Variants in NRAP observed in about 807,000 individuals in gnomAD.
NRAP encodes nebulin related anchoring protein, also known as nebulin-related-anchoring protein.
In NRAP, 189 loss-of-function variants were observed where a neutral mutation model predicts 225.9. The ratio of observed to expected loss-of-function variants is 0.84; its 90% CI spans 0.74 to 0.94. The LOEUF (loss-of-function observed/expected upper bound fraction) is 0.94, where lower values mean the gene tolerates loss of function less well. Ranked by LOEUF, NRAP falls within the 40% of genes least tolerant of loss-of-function variation. The pLI is 0.00. For missense variants in NRAP, 2,176 were observed against 2,168.7 expected, an observed-to-expected ratio of 1.00 and a Z score of -0.07; for synonymous variants, 769 against 790.7, an observed-to-expected ratio of 0.97 and a Z score of 0.46.
At position 113,641,365 on chromosome 10, in the gene NRAP, G is replaced by T; in HGVS notation, c.1323C>A (p.Asn441Lys). The T allele has an allele frequency of 6.2e-7, 1 of 1,605,014 alleles. No individual in the cohort carries two copies. The highest frequency in any genetic ancestry group is 8.5e-7 in the Non-Finnish European group (1 of 1,172,104). ...CAGACCCTGGCATAAAAGGACTCAC[G>T]TTGCTTGCCAGGCTGCCAACTTTCA... Reference protein sequence around the residue: ...HAMKVGSLASNVAYKADYKHD... With the variant: ...HAMKVGSLASKVAYKADYKHD... The change falls in exon 13 of 42, where the codon AAC (asparagine) becomes AAA (lysine). Residue 441 changes from asparagine (N) to lysine (K), a missense_variant and splice_region_variant. Around this residue, in one of 3 missense-constraint regions of NRAP, gnomAD observed 1,708 missense variants for 1,695.5 expected, o/e 1.01. Transcript: ENST00000359988.
rs570929862 is a variant in NRAP at position 113,592,806 on chromosome 10, G to A, written c.4537-505C>T. Among the ~76,000 whole-genome samples, 537 of 152,282 alleles carry A rather than the reference G, an allele frequency of 3.5e-3. 2 individuals carry two copies. Among genetic ancestry groups the A allele is most frequent in the Non-Finnish European group, 6.0e-3 (410 of 68,030 alleles). ...GCCTTGCACCATCACTATGAGGCATGCTGCATCTCATATACACCCCTGGTG... is the reference window on the plus strand; with the variant it reads ...GCCTTGCACCATCACTATGAGGCATACTGCATCTCATATACACCCCTGGTG... On this transcript the variant is annotated intron_variant, in intron 38 of 41. Coordinates refer to ENST00000359988, the MANE Select transcript of NRAP (RefSeq NM_198060.4).
At chr10:113,623,448 C>G in intron 23 of NRAP, 81 bp downstream of exon 23, 1 of 825,714 alleles carries the variant, frequency 1.2e-6, no homozygotes, top group Non-Finnish European at 2.0e-6. Context: ...GATTAAGAAC[C>G]TGCCCAGACA....
chr10:113,597,106 T>C lies in NRAP; in HGVS notation c.4411A>G (p.Ser1471Gly). 6.2e-7 allele frequency: 1 copy of C among 1,612,830 alleles called. No individual in the cohort carries two copies. Among genetic ancestry groups the C allele is most frequent in the Non-Finnish European group, 8.5e-7 (1 of 1,178,790 alleles). ...CCCACCTCATTGCAGTGCATATAGCTGTTCTTGGCATGAACCAGGTCTGGG... is the reference window on the plus strand; with the variant it reads ...CCCACCTCATTGCAGTGCATATAGCCGTTCTTGGCATGAACCAGGTCTGGG... ...DSPDLVHAKN[S>G]YMHCNERMYR... Residue 1471 changes from serine (S) to glycine (G), a missense_variant, in exon 37 of 42, where the codon AGC becomes GGC. Around this residue, in one of 3 missense-constraint regions of NRAP, gnomAD observed 445 missense variants for 426.1 expected, o/e 1.04. Transcript: ENST00000359988.
chr10:113,606,247 G>A lies in NRAP; in HGVS notation c.3738C>T (p.His1246=), dbSNP rs79461687. ...LYKAAGEDAR[H]EYTMTLGLPE... Reference sequence around the variant, plus strand: ...GCAGACCCAGGGTCATTGTATACTCGTGTCTTGCATCCTCTCCAGCTGCTT... The same window carrying A: ...GCAGACCCAGGGTCATTGTATACTCATGTCTTGCATCCTCTCCAGCTGCTT... The change falls in exon 33 of 42, where the codon CAC becomes CAT. Residue 1246 remains histidine, a synonymous_variant. Transcript: ENST00000359988. 12 of 1,613,964 alleles carry A rather than the reference G, an allele frequency of 7.4e-6. No homozygotes were observed. The highest frequency in any genetic ancestry group is 3.3e-5 in the Admixed American group (2 of 60,016).
intron 29 of NRAP, 38 bp downstream of exon 29, chr10:113,614,145 G>C: frequency 7.4e-7 from 1 of 1,356,658 alleles, no homozygotes; most frequent in Non-Finnish European, 1.1e-6. Context: ...TTGTCAGGTG[G>C]GGGCCCTGCA....
chr10:113,624,814 TTC>T lies in NRAP; in HGVS notation c.2349+10_2349+11del, dbSNP rs772822456. 1 of 1,603,970 alleles carries T rather than the reference TTC, an allele frequency of 6.2e-7. No individual in the cohort carries two copies. The highest frequency in any genetic ancestry group is 1.1e-5 in the South Asian group (1 of 90,672). ...GAGCAGAGTTCTTGCTGCCCACTCA[TTC>T]TCTCTGTACCTCGCTGAGATTTGCA... On this transcript the variant is annotated intron_variant, in intron 22 of 41. Coordinates refer to ENST00000359988, the MANE Select transcript of NRAP (RefSeq NM_198060.4).
intron 35 of NRAP, among the ~76,000 whole-genome samples, chr10:113,600,789 C>A (rs1319239773): frequency 6.6e-6 from 1 of 152,162 alleles, no homozygotes; most frequent in Non-Finnish European, 1.5e-5. Context: ...ATCGCCGCAT[C>A]CTGTAAAGAG....
intron 38 of NRAP, among the ~76,000 whole-genome samples, chr10:113,592,838 C>T (rs553416223): frequency 8.5e-5 from 13 of 152,166 alleles, no homozygotes; most frequent in Non-Finnish European, 1.9e-4. Context: ...GGTGCCTGCA[C>T]GAAGGGAAGA....
chr10:113,633,038 ATCGC>A (rs1564738177), intron 16 of NRAP, 42 bp downstream of exon 16: 1 of 976,726 alleles, frequency 1.0e-6, no homozygotes. Context: ...TTGTTTTCAC[ATCGC>A]TCTATAACCC....
At chr10:113,641,127 G>A (rs574841483) in intron 13 of NRAP, among the ~76,000 whole-genome samples, 2 of 152,290 alleles carry the variant, frequency 1.3e-5, no homozygotes, top group East Asian at 1.9e-4. Flanking sequence ...ATAGACTGAA[G>A]TACTCTTCAA....
intron 41 of NRAP, 126 bp downstream of exon 41, chr10:113,589,540 G>GCTGCGTTT: frequency 8.6e-7 from 1 of 1,165,622 alleles, no homozygotes; most frequent in Non-Finnish European, 1.2e-6. Context: ...CCTTGTTTGA[G>GCTGCGTTT]CTGCGTTTCA....
intron 3 of NRAP, among the ~76,000 whole-genome samples, chr10:113,659,445 A>G (rs1592885772): frequency 1.3e-5 from 2 of 152,190 alleles, no homozygotes; most frequent in Admixed American, 1.3e-4. Flanking sequence ...ACACAGGACC[A>G]AAAGACCAAA....
chr10:113,642,930 T>G lies in NRAP; in HGVS notation c.1215+4A>C. 1 of 1,534,998 alleles carries G rather than the reference T, an allele frequency of 6.5e-7. No individual in the cohort carries two copies. The highest frequency in any genetic ancestry group is 2.2e-5 in the East Asian group (1 of 44,532). ...CAAACAAAAGCTTAGCGTTAACAACTCACATCACTGGTAAATTTTGAGATC... is the reference window on the plus strand; with the variant it reads ...CAAACAAAAGCTTAGCGTTAACAACGCACATCACTGGTAAATTTTGAGATC... On this transcript the variant is annotated splice_donor_region_variant and intron_variant, in intron 12 of 41. Coordinates refer to ENST00000359988, the MANE Select transcript of NRAP (RefSeq NM_198060.4).
At chr10:113,613,575 C>T (rs1847457597) in intron 29 of NRAP, among the ~76,000 whole-genome samples, 2 of 152,178 alleles carry the variant, frequency 1.3e-5, no homozygotes, top group Non-Finnish European at 2.9e-5. Flanking sequence ...TGCAAGGAGA[C>T]AGCACCTACA....
intron 21 of NRAP, 55 bp from the exon 22 acceptor site, chr10:113,624,985 G>T: frequency 9.4e-7 from 1 of 1,064,668 alleles, no homozygotes; most frequent in Non-Finnish European, 1.5e-6. Flanking sequence ...GGTGGGCAGG[G>T]TGGCATCCCT....
At chr10:113,649,589 G>T (rs1324525036) in intron 9 of NRAP, among the ~76,000 whole-genome samples, 1 of 152,164 alleles carries the variant, frequency 6.6e-6, no homozygotes, top group Admixed American at 6.5e-5. Context: ...CTGGCATACT[G>T]ATTTATCTAC....
rs1380929663 is a variant in NRAP, at chr10:113,624,840, C to T, written c.2335G>A (p.Ala779Thr). 4.3e-6 allele frequency: 7 copies of T among 1,613,284 alleles called. No homozygotes were observed. In the African/African-American group the frequency reaches 5.3e-5, roughly 12 times the overall value. ...PLFLQARANA[A>T]NLSEKLYKSS... Reference sequence around the variant, plus strand: ...TCTCTCTGTACCTCGCTGAGATTTGCAGCATTGGCTCGGGCCTGCAGGAAG... The same window carrying T: ...TCTCTCTGTACCTCGCTGAGATTTGTAGCATTGGCTCGGGCCTGCAGGAAG... The change falls in exon 22 of 42, where the codon GCA (alanine) becomes ACA (threonine). Residue 779 changes from alanine to threonine, a missense_variant. Ala to Thr is a moderately conservative substitution (Grantham distance 58, BLOSUM62 0). Around this residue, in one of 3 missense-constraint regions of NRAP, gnomAD observed 1,708 missense variants for 1,695.5 expected, o/e 1.01. Coordinates refer to ENST00000359988, the MANE Select transcript of NRAP (RefSeq NM_198060.4).
At position 113,631,516 on chromosome 10, in the gene NRAP, C is replaced by T; in HGVS notation, c.1835G>A (p.Ser612Asn). 1 of 1,599,960 alleles carries T rather than the reference C, an allele frequency of 6.3e-7. No homozygotes were observed. The highest frequency in any genetic ancestry group is 8.5e-7 in the Non-Finnish European group (1 of 1,172,470). Residue 612 changes from serine to asparagine, a missense_variant, in exon 18 of 42, where the codon AGC (serine) becomes AAC (asparagine). By Grantham distance (46) the Ser-to-Asn change is conservative. Coordinates refer to ENST00000359988, the MANE Select transcript of NRAP (RefSeq NM_198060.4). ...LLHSLQIAKM[S>N]SEVEYKKGFE... The stretch of plus-strand genomic sequence containing the variant: ...GGTTAGAAAAGAGTTTACCTCACTG[C>T]TCATCTTAGCAATCTGCAGGGAGTG...
chr10:113,604,733 T>C lies in NRAP; in HGVS notation c.4103A>G (p.His1368Arg), dbSNP rs868263763. Reference protein sequence around the residue: ...HLPMDMVHLVHAKNAQALASD... With the variant: ...HLPMDMVHLVRAKNAQALASD... Reference sequence around the variant, plus strand: ...GGCCAGAGCCTGGGCATTCTTGGCATGGACCAGGTGCACCATGTCCATGGG... The same window carrying C: ...GGCCAGAGCCTGGGCATTCTTGGCACGGACCAGGTGCACCATGTCCATGGG... The change falls in exon 35 of 42, where the codon CAT becomes CGT. Residue 1368 changes from histidine to arginine, a missense_variant. Transcript: ENST00000359988. 1.2e-6 allele frequency: 2 copies of C among 1,614,202 alleles called. No individual in the cohort carries two copies. The highest frequency in any genetic ancestry group is 2.7e-5 in the African/African-American group (2 of 75,068).
Sources: allele counts gnomAD v4.1 joint callset (sites outside exome capture counted in the v4.1 genomes callset), GRCh38; gene constraint gnomAD v4.1.1; regional missense constraint gnomAD v4.1.1; transcripts MANE v1.5; gene names NCBI Gene and HGNC (gene_info 2026-07-23, HGNC 2026-07-21).